The following SRP72 variants were observed in gnomAD, a reference collection of about 807,000 sequenced individuals.
The protein encoded by SRP72 is signal recognition particle subunit SRP72.
Under a neutral mutation model 96.3 loss-of-function variants are expected in SRP72, and 49 were observed. The ratio of observed to expected loss-of-function variants is 0.51; its 90% CI spans 0.40 to 0.65. SRP72 has a LOEUF of 0.65. SRP72 is among the 30% of genes least tolerant of loss of function. The pLI, the probability that SRP72 is intolerant of heterozygous loss-of-function variation, is 0.00. For synonymous variants in SRP72, 267 were observed against 275.2 expected (o/e 0.97, Z 0.30); for missense variants, 736 against 793.3 (o/e 0.93, Z 0.87).
At position 56,467,676 on chromosome 4, in the gene SRP72, TGTGGA is replaced by T; in HGVS notation, c.45_49del (p.Trp15Ter). The T allele has an allele frequency of 6.4e-7, 1 of 1,565,996 alleles. No homozygotes were observed. The highest frequency in any genetic ancestry group is 1.2e-5 in the South Asian group (1 of 85,974). ...AGCGGGGGGGTGTCAGTACCTGCGC[TGTGGA>T]GTGAAGTGAACCGGTATGGCCAGAA... On this transcript the variant is annotated frameshift_variant, in exon 1 of 19. Coordinates refer to ENST00000642900, the MANE Select transcript of SRP72 (RefSeq NM_006947.4). LOFTEE classifies it high-confidence loss of function.
At position 56,493,727 on chromosome 4, in the gene SRP72, G is replaced by A. The variant is rs141496100; in HGVS notation, c.1641-1630G>A. On this transcript the variant is annotated intron_variant, in intron 16 of 18. Transcript: ENST00000642900. The stretch of plus-strand genomic sequence containing the variant: ...CTAAAAATACAAAAATTAGCCGGGC[G>A]TAGTGACACATGTCTATAATCCCAG... Among the ~76,000 whole-genome samples, 489 of 152,116 alleles carry A rather than the reference G, an allele frequency of 3.2e-3. 2 individuals carry two copies. Among genetic ancestry groups the A allele is most frequent in the African/African-American group, 0.011 (470 of 41,486 alleles).
chr4:56,480,985 T>C (rs1235738406), intron 8 of SRP72, among the ~76,000 whole-genome samples: 3 of 152,176 alleles, frequency 2.0e-5, no homozygotes, highest in African/African-American at 7.2e-5. Flanking sequence ...AGGGTATGTA[T>C]TTGCTGGATA....
rs1178889618 is a variant in SRP72 at position 56,502,843 on chromosome 4, A to G, written c.*982A>G. 1 of 152,158 alleles carries G rather than the reference A, an allele frequency of 6.6e-6. No individual in the cohort carries two copies. The highest frequency in any genetic ancestry group is 1.5e-5 in the Non-Finnish European group (1 of 68,022). 9.4% of individuals were successfully genotyped at this position (152,158 alleles called of 1,614,324 possible). A position where few individuals can be genotyped will look rare whatever the true frequency, so the allele number is the denominator to read the frequency against. On this transcript the variant is annotated 3_prime_UTR_variant, in exon 19 of 19. Transcript: ENST00000642900. ...CTCCTTCTGGTTATGGATTTTGACCATTGATTACCTTTCTCAATGTAATGA... is the reference window on the plus strand; with the variant it reads ...CTCCTTCTGGTTATGGATTTTGACCGTTGATTACCTTTCTCAATGTAATGA...
chr4:56,491,325 G>T, intron 15 of SRP72, 106 bp from the exon 16 acceptor site: 2 of 1,353,688 alleles, frequency 1.5e-6, no homozygotes, highest in Non-Finnish European at 1.0e-6. Context: ...AGGTCATCAA[G>T]AAAAGACAGT....
At chr4:56,476,293 C>CA (rs1002606872) in intron 5 of SRP72, 7 of 210,086 alleles carry the variant, frequency 3.3e-5, no homozygotes, top group Admixed American at 1.3e-4. Context: ...TAAAAACAAA[C>CA]AAAAAAAATA....
chr4:56,486,360 A>C lies in SRP72; in HGVS notation c.1122A>C (p.Glu374Asp). 1 of 1,605,908 alleles carries C rather than the reference A, an allele frequency of 6.2e-7. No individual in the cohort carries two copies. The highest frequency in any genetic ancestry group is 8.5e-7 in the Non-Finnish European group (1 of 1,174,734). ...ATCAGCATCCAGAAAATGCAGCTGA[A>C]ATTAAGCTGACCATGGCACAGTTGA... ...FSDQHPENAAEIKLTMAQLKI... is the reference protein window; with the variant it reads ...FSDQHPENAADIKLTMAQLKI... Residue 374 changes from glutamate to aspartate, a missense_variant, in exon 11 of 19, where the codon GAA becomes GAC. This residue lies in a region of SRP72 where 388 missense variants were observed against 431.8 expected (regional missense o/e 0.90). Transcript: ENST00000642900.
intron 3 of SRP72, among the ~76,000 whole-genome samples, chr4:56,472,327 C>T (rs1210401953): frequency 2.7e-5 from 4 of 148,004 alleles, no homozygotes; most frequent in Admixed American, 2.1e-4. Context: ...TTACAGCTAG[C>T]AAAACCCTCT....
intron 17 of SRP72, among the ~76,000 whole-genome samples, chr4:56,500,025 A>G (rs1055326705): frequency 6.6e-6 from 1 of 151,900 alleles, no homozygotes; most frequent in Non-Finnish European, 1.5e-5. Context: ...CATCAATACT[A>G]TGCAGCCATA....
rs997584654 is a variant in SRP72, at chr4:56,484,764, GT to G, written c.989del (p.Leu330TyrfsTer13). The G allele has an allele frequency of 3.1e-6, 5 of 1,614,004 alleles. No homozygotes were observed. The highest frequency in any genetic ancestry group is 4.2e-6 in the Non-Finnish European group (5 of 1,180,038). The stretch of plus-strand genomic sequence containing the variant: ...GAACAATGCCGCAAAATATCTGCCA[GT>G]TTACAGTCCCAAAGTCCCGAGCATC... ...QAEQCRKISA[S>X]LQSQSPEHLL... On this transcript the variant is annotated frameshift_variant, in exon 10 of 19. Transcript: ENST00000642900. LOFTEE classifies it high-confidence loss of function.
chr4:56,492,854 T>G (rs558204911), intron 16 of SRP72, among the ~76,000 whole-genome samples: 1 of 152,100 alleles, frequency 6.6e-6, no homozygotes, highest in Admixed American at 6.5e-5. Context: ...TAGCCTGGCA[T>G]AGTGGCTCTG....
chr4:56,467,686 A>G lies in SRP72; in HGVS notation c.51A>G (p.Glu17=), dbSNP rs2110108754. The part of the protein sequence containing the change: ...GGVSVPALWS[E]VNRYGQNGDF... Reference sequence around the variant, plus strand: ...TGTCAGTACCTGCGCTGTGGAGTGAAGTGAACCGGTATGGCCAGAACGGCG... The same window carrying G: ...TGTCAGTACCTGCGCTGTGGAGTGAGGTGAACCGGTATGGCCAGAACGGCG... Residue 17 remains glutamate (E), a synonymous_variant, in exon 1 of 19, where the codon GAA becomes GAG. Coordinates refer to ENST00000642900, the MANE Select transcript of SRP72 (RefSeq NM_006947.4). The G allele has an allele frequency of 2.6e-6, 4 of 1,556,660 alleles. No individual in the cohort carries two copies. The highest frequency in any genetic ancestry group is 1.9e-5 in the Admixed American group (1 of 52,266).
At chr4:56,485,794 C>T (rs897905172) in intron 10 of SRP72, among the ~76,000 whole-genome samples, 2 of 152,010 alleles carry the variant, frequency 1.3e-5, no homozygotes, top group Non-Finnish European at 2.9e-5. Context: ...GAGCAAGACT[C>T]CGCCTCAGAA....
chr4:56,496,712 G>T (rs890933571), intron 17 of SRP72, among the ~76,000 whole-genome samples: 1 of 152,156 alleles, frequency 6.6e-6, no homozygotes, highest in Non-Finnish European at 1.5e-5. Context: ...TCCCGGCTGG[G>T]CATGGTGGCT....
chr4:56,478,588 A>G lies in SRP72; in HGVS notation c.768-4A>G. 6.2e-7 allele frequency: 1 copy of G among 1,614,032 alleles called. No individual in the cohort carries two copies. Among genetic ancestry groups the G allele is most frequent in the South Asian group, 1.1e-5 (1 of 91,056 alleles). On this transcript the variant is annotated splice_region_variant and splice_polypyrimidine_tract_variant and intron_variant, in intron 7 of 18. Coordinates refer to ENST00000642900, the MANE Select transcript of SRP72 (RefSeq NM_006947.4). ...TGGTTTTGACTGTTGCTTGTTGTTCACAGACCAACAGATGTGGGATTACTA... is the reference window on the plus strand; with the variant it reads ...TGGTTTTGACTGTTGCTTGTTGTTCGCAGACCAACAGATGTGGGATTACTA...
chr4:56,500,398 A>G, intron 17 of SRP72, 138 bp from the exon 18 acceptor site: 1 of 948,084 alleles, frequency 1.1e-6, no homozygotes, highest in Non-Finnish European at 1.6e-6. Flanking sequence ...CGCCTGCTAG[A>G]TTATACAAAC....
chr4:56,499,047 T>G (rs1328048175), intron 17 of SRP72, among the ~76,000 whole-genome samples: 4 of 152,150 alleles, frequency 2.6e-5, no homozygotes, highest in African/African-American at 9.7e-5. Context: ...CAAAACAGAA[T>G]GGTACGGGTA....
At chr4:56,484,637 G>A (rs747051677) in intron 9 of SRP72, 99 bp from the exon 10 acceptor site, 6 of 1,498,452 alleles carry the variant, frequency 4.0e-6, no homozygotes, top group African/African-American at 2.8e-5. Context: ...GTTAATATTT[G>A]TTTCAACTGA....
At chr4:56,496,247 A>G (rs568648522) in intron 17 of SRP72, among the ~76,000 whole-genome samples, 8 of 152,210 alleles carry the variant, frequency 5.3e-5, no homozygotes, top group South Asian at 2.1e-4. Flanking sequence ...CTGCCGTCTT[A>G]GGATACAGGT....
At chr4:56,470,481 A>G (rs1191289385) in intron 2 of SRP72, among the ~76,000 whole-genome samples, 1 of 151,592 alleles carries the variant, frequency 6.6e-6, no homozygotes, top group African/African-American at 2.4e-5. Context: ...CAGAGGCTGC[A>G]GTGAGCTGAG....
Sources: gnomAD v4.1 joint callset for allele counts (sites outside exome capture counted in the v4.1 genomes callset) on GRCh38, gnomAD v4.1.1 for gene constraint, gnomAD v4.1.1 regional missense constraint, MANE v1.5 for transcripts, NCBI Gene and HGNC (gene_info 2026-07-23, HGNC 2026-07-21) for gene names.